The following PMPCA variants were observed in gnomAD, a reference collection of about 807,000 sequenced individuals.
PMPCA encodes mitochondrial-processing peptidase subunit alpha.
A neutral mutation model predicts 59.3 loss-of-function variants in PMPCA; 47 were observed. The ratio of observed to expected loss-of-function variants is 0.79; its 90% confidence interval spans 0.63 to 1.01. PMPCA has a LOEUF of 1.01. Among genes scored for constraint, PMPCA ranks in the 50% least tolerant of loss-of-function variants. The pLI is 0.00. For synonymous variants in PMPCA, 338 were observed against 290.3 expected (o/e 1.16, Z -1.67); for missense variants, 726 against 704.5 (o/e 1.03, Z -0.34).
intron 7 of PMPCA, among the ~76,000 whole-genome samples, chr9:136,417,778 T>C (rs1427869415): frequency 6.6e-6 from 1 of 152,054 alleles, no homozygotes; most frequent in African/African-American, 2.4e-5. Context: ...TATGTTTTTT[T>C]TTTTTTGTCT....
chr9:136,422,937 C>T, intron 12 of PMPCA, 158 bp from the exon 13 acceptor site: 2 of 1,440,748 alleles, frequency 1.4e-6, no homozygotes, highest in Non-Finnish European at 9.1e-7. Context: ...TCACCCTTGG[C>T]TACACCCAGT....
Position 136,416,300 on chromosome 9 carries a change from T to G in PMPCA, c.542T>G (p.Val181Gly). 1 of 1,613,202 alleles carries G rather than the reference T, an allele frequency of 6.2e-7. No individual in the cohort carries two copies. Among genetic ancestry groups the G allele is most frequent in the Non-Finnish European group, 8.5e-7 (1 of 1,179,580 alleles). ...TTGGGTTCTCTTGCAGATGAAGAAGTCGAGATGACGCGGATGGCGGTCCAG... is the reference window on the plus strand; with the variant it reads ...TTGGGTTCTCTTGCAGATGAAGAAGGCGAGATGACGCGGATGGCGGTCCAG... ...VLQPRLTDEE[V>G]EMTRMAVQFE... The change falls in exon 6 of 13, where the codon GTC becomes GGC. Residue 181 changes from valine (V) to glycine (G), a missense_variant. Transcript: ENST00000371717.
chr9:136,417,992 CACTT>C (rs756793872), intron 7 of PMPCA, 21 bp from the exon 8 acceptor site: 27 of 1,546,572 alleles, frequency 1.7e-5, no homozygotes, highest in East Asian at 2.2e-5. Context: ...CACATGGCGA[CACTT>C]GCTTGTTTTC....
chr9:136,416,741 T>C, intron 6 of PMPCA: 1 of 594,574 alleles, frequency 1.7e-6, no homozygotes, highest in Non-Finnish European at 3.0e-6. Context: ...ACACAATTAA[T>C]CTTAGGCTTT....
rs778968490 is a variant in PMPCA, at chr9:136,421,907, G to A, written c.1339G>A (p.Glu447Lys). The A allele has an allele frequency of 9.3e-6, 15 of 1,612,052 alleles. No homozygotes were observed. In the Admixed American group the frequency reaches 2.0e-4, roughly 22 times the overall value. The change falls in exon 12 of 13, where the codon GAG becomes AAG. Residue 447 changes from glutamate to lysine, a missense_variant. By Grantham distance (56) the Glu-to-Lys change is moderately conservative. Coordinates refer to ENST00000371717, the MANE Select transcript of PMPCA (RefSeq NM_015160.3). Reference sequence around the variant, plus strand: ...CCTGGAATCCAGGCCTGTGATCTTCGAGGATGTGGGGAGGCAGGTGCTGGC... The same window carrying A: ...CCTGGAATCCAGGCCTGTGATCTTCAAGGATGTGGGGAGGCAGGTGCTGGC... ...MNLESRPVIF[E>K]DVGRQVLATR...
At position 136,421,875 on chromosome 9, in the gene PMPCA, T is replaced by C. The variant is rs201569001; in HGVS notation, c.1307T>C (p.Met436Thr). The C allele has an allele frequency of 4.2e-5, 68 of 1,610,032 alleles. No individual in the cohort carries two copies. The highest frequency in any genetic ancestry group is 5.6e-5 in the Non-Finnish European group (66 of 1,178,588). Residue 436 changes from methionine (M) to threonine (T), a missense_variant, in exon 12 of 13, where the codon ATG becomes ACG. Transcript: ENST00000371717. ...AAGACGCAGCTGACATCAATGCTCATGATGAACCTGGAATCCAGGCCTGTG... is the reference window on the plus strand; with the variant it reads ...AAGACGCAGCTGACATCAATGCTCACGATGAACCTGGAATCCAGGCCTGTG... The part of the protein sequence containing the change: ...RAKTQLTSML[M>T]MNLESRPVIF...
chr9:136,417,926 T>C, intron 7 of PMPCA, 91 bp from the exon 8 acceptor site: 1 of 949,692 alleles, frequency 1.1e-6, no homozygotes, highest in Non-Finnish European at 1.7e-6. Context: ...ATTGGATTTC[T>C]GTGTAACCAC....
chr9:136,423,647 A>G lies in PMPCA; in HGVS notation c.*383A>G. The stretch of plus-strand genomic sequence containing the variant: ...CCTCCCGGAGGCCACCGTGCTGGGT[A>G]CCAGGACTCACCTCTGACAAGCAGG... On this transcript the variant is annotated 3_prime_UTR_variant, in exon 13 of 13. Coordinates refer to ENST00000371717, the MANE Select transcript of PMPCA (RefSeq NM_015160.3). The G allele has an allele frequency of 9.3e-6, 2 of 216,002 alleles. No individual in the cohort carries two copies. Among genetic ancestry groups the G allele is most frequent in the South Asian group, 1.7e-4 (2 of 11,670 alleles). 13.4% of individuals were successfully genotyped at this position (216,002 alleles called of 1,614,324 possible). A position where few individuals can be genotyped will look rare whatever the true frequency, so the allele number is the denominator to read the frequency against.
chr9:136,410,824 G>T (rs1204087529), intron 1 of PMPCA, 85 bp downstream of exon 1: 8 of 1,149,772 alleles, frequency 7.0e-6, no homozygotes, highest in African/African-American at 1.6e-5. Flanking sequence ...TTCTACAGGT[G>T]ACATGGCGCC....
chr9:136,418,939 C>T (rs368475362), intron 10 of PMPCA, 21 bp downstream of exon 10: 36 of 1,609,784 alleles, frequency 2.2e-5, no homozygotes, highest in Admixed American at 1.7e-4. Context: ...CGCCTGCCAC[C>T]GTCCTCAGTG....
At chr9:136,418,278 C>T (rs897394068) in intron 8 of PMPCA, among the ~76,000 whole-genome samples, 169 bp downstream of exon 8, 1 of 150,814 alleles carries the variant, frequency 6.6e-6, no homozygotes, top group East Asian at 2.0e-4. Context: ...GCAGTGTGGG[C>T]GACTCAGCCA....
At chr9:136,416,692 AT>A in intron 6 of PMPCA, 1 of 589,620 alleles carries the variant, frequency 1.7e-6, no homozygotes, top group South Asian at 2.1e-5. Context: ...CAATGTTCGT[AT>A]TTTCCAGTTT....
In PMPCA at chr9:136,417,089, G is replaced by A. The variant is rs770272761; in HGVS notation, c.772G>A (p.Val258Met). The A allele has an allele frequency of 7.4e-6, 12 of 1,613,848 alleles. No individual in the cohort carries two copies. The highest frequency in any genetic ancestry group is 4.0e-5 in the African/African-American group (3 of 74,928). Residue 258 changes from valine (V) to methionine (M), a missense_variant, in exon 7 of 13, where the codon GTG (valine) becomes ATG (methionine). By Grantham distance (21) the Val-to-Met change is conservative. Transcript: ENST00000371717. ...CCGCATGGTGCTGGCCGGCGTGGGC[G>A]TGGAGCACGAGCATCTGGTGGACTG... ...PDRMVLAGVG[V>M]EHEHLVDCAR...
chr9:136,423,128 C>T lies in PMPCA; in HGVS notation c.1442C>T (p.Ala481Val). Residue 481 changes from alanine (A) to valine (V), a missense_variant, in exon 13 of 13, where the codon GCT becomes GTT. Coordinates refer to ENST00000371717, the MANE Select transcript of PMPCA (RefSeq NM_015160.3). ...NVKPEDVKRV[A>V]SKMLRGKPAV... ...AAGCCGGAAGATGTGAAGAGAGTCG[C>T]TTCTAAGATGCTCCGAGGGAAGCCG... 2 of 1,613,536 alleles carry T rather than the reference C, an allele frequency of 1.2e-6. No individual in the cohort carries two copies. Among genetic ancestry groups the T allele is most frequent in the Non-Finnish European group, 1.7e-6 (2 of 1,179,936 alleles).
intron 5 of PMPCA, 128 bp from the exon 6 acceptor site, chr9:136,416,163 A>G: frequency 1.5e-6 from 1 of 689,086 alleles, no homozygotes; most frequent in Non-Finnish European, 2.6e-6. Context: ...CCCCTAGATG[A>G]AGGCAGAGGT....
intron 7 of PMPCA, 127 bp downstream of exon 7, chr9:136,417,341 C>A: frequency 1.4e-6 from 1 of 710,744 alleles, no homozygotes; most frequent in Non-Finnish European, 2.3e-6. Context: ...TGCCTTAACA[C>A]ATGCTGTAGT....
rs1310115350 is a variant in PMPCA at position 136,422,277 on chromosome 9, T to G, written c.1408+301T>G. On this transcript the variant is annotated intron_variant, in intron 12 of 12. Transcript: ENST00000371717. Reference sequence around the variant, plus strand: ...AGTTGTTAAAGAGCACTCAAGTTAGTAGGCGAGAAGGGCTCAGTAGAGGAC... The same window carrying G: ...AGTTGTTAAAGAGCACTCAAGTTAGGAGGCGAGAAGGGCTCAGTAGAGGAC... 3.1e-6 allele frequency: 4 copies of G among 1,302,354 alleles called. No homozygotes were observed. In the South Asian group the frequency reaches 6.0e-5, roughly 20 times the overall value. The allele number at this position is 1,302,354 out of a possible 1,614,324, so 80.7% of individuals were successfully genotyped here. A position where few individuals can be genotyped will look rare whatever the true frequency, so the allele number is the denominator to read the frequency against.
rs569874439 is a variant in PMPCA, at chr9:136,418,937, A to G, written c.1200+19A>G. On this transcript the variant is annotated intron_variant, in intron 10 of 12. Transcript: ENST00000371717. ...AAGACAGGTGAGGGCCCCGCCTGCC[A>G]CCGTCCTCAGTGCGGTTGCCTGTCC... 6.1e-5 allele frequency: 98 copies of G among 1,611,246 alleles called. No homozygotes were observed. Among genetic ancestry groups the G allele is most frequent in the South Asian group, 4.6e-4 (42 of 91,012 alleles).
At chr9:136,413,766 A>T (rs1272402458) in intron 4 of PMPCA, among the ~76,000 whole-genome samples, 1 of 152,112 alleles carries the variant, frequency 6.6e-6, no homozygotes, top group Non-Finnish European at 1.5e-5. Context: ...CCCTCAGCTC[A>T]GGCTTTTGTT....
Sources: gnomAD v4.1 joint callset for allele counts (sites outside exome capture counted in the v4.1 genomes callset) on GRCh38, gnomAD v4.1.1 for gene constraint, MANE v1.5 for transcripts, NCBI Gene and HGNC (gene_info 2026-07-23, HGNC 2026-07-21) for gene names.